The following MICALL2 variants were observed in gnomAD, a reference collection of about 807,000 sequenced individuals.
MICALL2 encodes MICAL-like protein 2.
In MICALL2, 111 loss-of-function variants were observed where a neutral mutation model predicts 91.1. The ratio of observed to expected loss-of-function variants is 1.22; its 90% CI spans 1.04 to 1.43. The LOEUF is 1.43. Among genes scored for constraint, MICALL2 ranks in the 40% most tolerant of loss-of-function variants. The probability of loss-of-function intolerance (pLI) is 0.00; values close to 1 mark genes in which losing one functional copy is unlikely to be tolerated. For missense variants in MICALL2, 1,556 were observed against 1,236.0 expected (o/e 1.26, Z -3.88); for synonymous variants, 694 against 525.3 (o/e 1.32, Z -4.39).
intron 5 of MICALL2, 189 bp downstream of exon 5, chr7:1,446,524 G>A: frequency 1.5e-5 from 8 of 539,752 alleles, no homozygotes; most frequent in East Asian, 6.7e-5. Context: ...AGAAGAGGGA[G>A]AAGGGGAGGA....
intron 6 of MICALL2, 129 bp downstream of exon 6, chr7:1,444,523 G>C: frequency 1.1e-6 from 1 of 899,538 alleles, no homozygotes; most frequent in Non-Finnish European, 1.6e-6. Context: ...GAAACAGGCT[G>C]GGGGAAGTGC....
At chr7:1,457,368 A>T (rs1427057822) in intron 1 of MICALL2, among the ~76,000 whole-genome samples, 1 of 151,944 alleles carries the variant, frequency 6.6e-6, no homozygotes, top group Non-Finnish European at 1.5e-5. Flanking sequence ...GTAACTCCAC[A>T]CCCACCGGAG....
chr7:1,437,341 C>A (rs756240883), intron 14 of MICALL2, 194 bp downstream of exon 14: 4 of 576,212 alleles, frequency 6.9e-6, no homozygotes, highest in Non-Finnish European at 1.2e-5. Flanking sequence ...CCAAGCACAG[C>A]AAGGTTAAGT....
chr7:1,443,272 C>T (rs1183517241), intron 6 of MICALL2, among the ~76,000 whole-genome samples: 1 of 151,796 alleles, frequency 6.6e-6, no homozygotes, highest in East Asian at 1.9e-4. Flanking sequence ...CCTGGACACC[C>T]CCCAGTGCCA....
chr7:1,439,277 G>C, intron 9 of MICALL2: 1 of 452,100 alleles, frequency 2.2e-6, no homozygotes, highest in Non-Finnish European at 4.0e-6. Flanking sequence ...TGAGTGCTAG[G>C]AATACACACA....
chr7:1,434,383 T>G lies in MICALL2; in HGVS notation c.*213A>C. The G allele has an allele frequency of 1.5e-6, 1 of 673,348 alleles. No individual in the cohort carries two copies. Among genetic ancestry groups the G allele is most frequent in the East Asian group, 2.8e-5 (1 of 35,106 alleles). 41.7% of individuals were successfully genotyped at this position (673,348 alleles called of 1,614,324 possible). Reference sequence around the variant, plus strand: ...GTCCGGGGCCATGTGGTCGGTTTCTTTATTGAGACCACAGACGGTAGCGCA... The same window carrying G: ...GTCCGGGGCCATGTGGTCGGTTTCTGTATTGAGACCACAGACGGTAGCGCA... On this transcript the variant is annotated 3_prime_UTR_variant, in exon 17 of 17. Coordinates refer to ENST00000297508, the MANE Select transcript of MICALL2 (RefSeq NM_182924.4).
At chr7:1,457,851 C>A (rs920296710) in intron 1 of MICALL2, among the ~76,000 whole-genome samples, 5 of 152,274 alleles carry the variant, frequency 3.3e-5, no homozygotes, top group African/African-American at 9.6e-5. Context: ...CATCCAGGAC[C>A]CTGCAGCCCC....
chr7:1,458,166 G>A (rs1283232994), intron 1 of MICALL2, among the ~76,000 whole-genome samples: 1 of 152,250 alleles, frequency 6.6e-6, no homozygotes, highest in Non-Finnish European at 1.5e-5. Context: ...GCAGGACAGT[G>A]TCCAGGGGCA....
chr7:1,457,251 C>T lies in MICALL2; in HGVS notation c.143+1933G>A, dbSNP rs558721060. 1.8e-4 allele frequency among the ~76,000 whole-genome samples: 28 copies of T among 152,366 alleles called. No homozygotes were observed. The South Asian group carries it at 3.3e-3, about 18-fold the overall frequency. On this transcript the variant is annotated intron_variant, in intron 1 of 16. Coordinates refer to ENST00000297508, the MANE Select transcript of MICALL2 (RefSeq NM_182924.4). ...AACTCCAACCATGTGCTGGTATCTA[C>T]CGAGCCCAGTTCCAGGCACCAGGGG...
chr7:1,437,424 A>G, intron 14 of MICALL2, 111 bp downstream of exon 14: 2 of 954,940 alleles, frequency 2.1e-6, no homozygotes, highest in Non-Finnish European at 3.0e-6. Context: ...GGCTCCAGGG[A>G]AGGTCTCACC....
At chr7:1,442,633 T>TC in intron 6 of MICALL2, 149 bp from the exon 7 acceptor site, 2 of 646,992 alleles carry the variant, frequency 3.1e-6, no homozygotes, top group Non-Finnish European at 4.7e-6. Context: ...ACCCTCCACC[T>TC]CCCCCACCAT....
At chr7:1,441,049 G>A (rs1303587702) in intron 7 of MICALL2, 1 of 305,158 alleles carries the variant, frequency 3.3e-6, no homozygotes, top group African/African-American at 2.1e-5. Context: ...TTGGCTCCTG[G>A]GTCCTGCAGG....
intron 2 of MICALL2, among the ~76,000 whole-genome samples, chr7:1,449,633 G>A (rs886199999): frequency 1.2e-4 from 18 of 152,266 alleles, no homozygotes; most frequent in Non-Finnish European, 2.2e-4. Context: ...CACTGTCCCC[G>A]CTGAAGGCCA....
intron 7 of MICALL2, chr7:1,441,926 T>C (rs1252575265): frequency 1.9e-6 from 1 of 538,390 alleles, no homozygotes; most frequent in African/African-American, 1.9e-5. Context: ...GCTGCAGGGC[T>C]GGGCTGCAGG....
chr7:1,440,181 G>A (rs998269509), intron 8 of MICALL2, 96 bp from the exon 9 acceptor site: 15 of 1,469,220 alleles, frequency 1.0e-5, no homozygotes, highest in African/African-American at 2.9e-5. Context: ...CAGCCGGAGG[G>A]AGCAGGTGGC....
chr7:1,454,270 G>A (rs1780935745), intron 1 of MICALL2, among the ~76,000 whole-genome samples: 1 of 152,166 alleles, frequency 6.6e-6, no homozygotes, highest in Non-Finnish European at 1.5e-5. Context: ...AGAGGGAGTG[G>A]GGAGAGGCAG....
chr7:1,440,724 G>C (rs768979354), intron 7 of MICALL2, 40 bp from the exon 8 acceptor site: 1 of 1,543,464 alleles, frequency 6.5e-7, no homozygotes. Context: ...AGGAAGGAGT[G>C]CTGGGAATGG....
chr7:1,436,761 G>C lies in MICALL2; in HGVS notation c.2572C>G (p.Leu858Val), dbSNP rs145721481. Residue 858 changes from leucine (L) to valine (V), a missense_variant, in exon 15 of 17, where the codon CTG (leucine) becomes GTG (valine). By Grantham distance (32) the Leu-to-Val change is conservative (BLOSUM62 1). Coordinates refer to ENST00000297508, the MANE Select transcript of MICALL2 (RefSeq NM_182924.4). ...CCTCACCGGAGCCGGTCCTCGTCCA[G>C]CGAGTCCACGATGTCACTGCGGTCG... ...VNDRSDIVDS[L>V]DEDRLREQEE... The C allele has an allele frequency of 6.2e-7, 1 of 1,607,290 alleles. No homozygotes were observed. Among genetic ancestry groups the C allele is most frequent in the East Asian group, 2.3e-5 (1 of 44,390 alleles).
At chr7:1,446,690 G>A (rs765627817) in intron 5 of MICALL2, 23 bp downstream of exon 5, 31 of 1,542,262 alleles carry the variant, frequency 2.0e-5, no homozygotes, top group East Asian at 1.2e-4. Flanking sequence ...ACACTCAGGC[G>A]TGCGGGCAGA....
Sources: allele counts gnomAD v4.1 joint callset (sites outside exome capture counted in the v4.1 genomes callset), GRCh38; gene constraint gnomAD v4.1.1; transcripts MANE v1.5; gene names NCBI Gene and HGNC (gene_info 2026-07-23, HGNC 2026-07-21).